SGSM1: variants seen among roughly 807,000 people sequenced by gnomAD.
SGSM1 encodes small G protein signaling modulator 1.
In SGSM1, 73 loss-of-function variants were observed where a neutral mutation model predicts 133.8. That is an observed-to-expected ratio of 0.55 (90% CI 0.45 to 0.66). The LOEUF (loss-of-function observed/expected upper bound fraction) is 0.66, where lower values mean the gene tolerates loss of function less well. Among genes scored for constraint, SGSM1 ranks in the 30% least tolerant of loss-of-function variants. The pLI, the probability that SGSM1 is intolerant of heterozygous loss-of-function variation, is 0.00. For missense variants in SGSM1, 1,213 were observed against 1,448.1 expected, an observed-to-expected ratio of 0.84 and a Z score of 2.64; for synonymous variants, 563 against 573.0, an observed-to-expected ratio of 0.98 and a Z score of 0.25.
At chr22:24,812,527 C>G (rs1294246428) in intron 2 of SGSM1, among the ~76,000 whole-genome samples, 1 of 152,128 alleles carries the variant, frequency 6.6e-6, no homozygotes, top group Non-Finnish European at 1.5e-5. Context: ...GGAAACACAG[C>G]TTGGCTTCAG....
intron 21 of SGSM1, among the ~76,000 whole-genome samples, chr22:24,907,555 T>A (rs1305637571): frequency 6.6e-6 from 1 of 151,916 alleles, no homozygotes; most frequent in African/African-American, 2.4e-5. Flanking sequence ...TTTTGGTTTT[T>A]TTGCAAAAAT....
Position 24,917,752 on chromosome 22 carries a change from G to A in SGSM1, c.3023G>A (p.Arg1008Gln). The A allele has an allele frequency of 1.2e-6, 2 of 1,613,168 alleles. No homozygotes were observed. The highest frequency in any genetic ancestry group is 1.7e-6 in the Non-Finnish European group (2 of 1,179,374). ...CYRWFLLDFK[R>Q]ELVYDDVFLV... ...CGCTGGTTCCTGCTGGATTTCAAGCGAGGTACAGACTTTAAATTGGGGACC... is the reference window on the plus strand; with the variant it reads ...CGCTGGTTCCTGCTGGATTTCAAGCAAGGTACAGACTTTAAATTGGGGACC... The change falls in exon 23 of 25, where the codon CGA (arginine) becomes CAA (glutamine). Residue 1008 changes from arginine (R) to glutamine (Q), a missense_variant and splice_region_variant. Physicochemically the swap from Arg to Gln is conservative, Grantham distance 43 (BLOSUM62 1). Coordinates refer to ENST00000400358, the MANE Select transcript of SGSM1 (RefSeq NM_001098497.3).
At chr22:24,901,806 C>T in intron 19 of SGSM1, 27 bp from the exon 20 acceptor site, 4 of 1,608,980 alleles carry the variant, frequency 2.5e-6, no homozygotes, top group Non-Finnish European at 3.4e-6. Flanking sequence ...ATTTCTTCCC[C>T]CTACCCCCTG....
At chr22:24,817,756 G>A (rs575959312) in intron 2 of SGSM1, among the ~76,000 whole-genome samples, 25 of 152,322 alleles carry the variant, frequency 1.6e-4, no homozygotes, top group African/African-American at 2.9e-4. Flanking sequence ...GTGTAACAAA[G>A]TACCGTGACT....
At position 24,917,675 on chromosome 22, in the gene SGSM1, G is replaced by A; in HGVS notation, c.2946G>A (p.Leu982=). The A allele has an allele frequency of 6.2e-7, 1 of 1,613,862 alleles. No homozygotes were observed. Among genetic ancestry groups the A allele is most frequent in the Admixed American group, 1.7e-5 (1 of 59,970 alleles). ...CTTGACAGATCCTGGACTCAGAGCTGTTTGAGCTGATGCATCAGAACGGGG... is the reference window on the plus strand; with the variant it reads ...CTTGACAGATCCTGGACTCAGAGCTATTTGAGCTGATGCATCAGAACGGGG... ...RSLIQILDSE[L]FELMHQNGDY... Residue 982 remains leucine, a synonymous_variant, in exon 23 of 25, where the codon CTG becomes CTA. Transcript: ENST00000400358.
intron 13 of SGSM1, among the ~76,000 whole-genome samples, chr22:24,877,040 C>T (rs1932060671): frequency 6.6e-6 from 1 of 152,126 alleles, no homozygotes; most frequent in Non-Finnish European, 1.5e-5. Flanking sequence ...GGTGATGGAG[C>T]AGCTACCATC....
chr22:24,894,141 C>T (rs1364253543), intron 17 of SGSM1, among the ~76,000 whole-genome samples: 9 of 152,208 alleles, frequency 5.9e-5, no homozygotes, highest in African/African-American at 2.2e-4. Flanking sequence ...TGGTGGCTCA[C>T]GCCTGTAATC....
chr22:24,912,702 C>T lies in SGSM1; in HGVS notation c.2878C>T (p.His960Tyr). ...GAAGAGGATGAACCAGAACTTCCCC[C>T]ACGGAGGCGCCATGGACACGCACTT... ...LMKRMNQNFPHGGAMDTHFAN... is the reference protein window; with the variant it reads ...LMKRMNQNFPYGGAMDTHFAN... The change falls in exon 22 of 25, where the codon CAC becomes TAC. Residue 960 changes from histidine (H) to tyrosine (Y), a missense_variant. Coordinates refer to ENST00000400358, the MANE Select transcript of SGSM1 (RefSeq NM_001098497.3). 3.7e-6 allele frequency: 6 copies of T among 1,613,762 alleles called. No individual in the cohort carries two copies. The highest frequency in any genetic ancestry group is 5.1e-6 in the Non-Finnish European group (6 of 1,179,896).
chr22:24,912,997 T>A (rs768446947), intron 22 of SGSM1, among the ~76,000 whole-genome samples: 5 of 152,160 alleles, frequency 3.3e-5, no homozygotes, highest in Non-Finnish European at 5.9e-5. Flanking sequence ...AGTAAACTAA[T>A]GATTTTATAG....
chr22:24,854,892 C>T (rs1160843365), intron 5 of SGSM1, 104 bp from the exon 6 acceptor site: 2 of 815,990 alleles, frequency 2.5e-6, no homozygotes, highest in Non-Finnish European at 4.1e-6. Context: ...GCAGCTGAGG[C>T]TCTGGGTGGT....
In SGSM1 at chr22:24,861,823, T is replaced by A. The variant is rs568442411; in HGVS notation, c.926+1983T>A. Among the ~76,000 whole-genome samples, 473 of 151,134 alleles carry A rather than the reference T, an allele frequency of 3.1e-3. 4 individuals are homozygous for A. Among genetic ancestry groups the A allele is most frequent in the African/African-American group, 0.011 (461 of 41,266 alleles). The stretch of plus-strand genomic sequence containing the variant: ...CGGCCGCCTCTCAAGGTTATTTTTA[T>A]TTTTTTTTAATTTCTATTTTATTTT... On this transcript the variant is annotated intron_variant, in intron 9 of 24. Transcript: ENST00000400358.
intron 3 of SGSM1, among the ~76,000 whole-genome samples, chr22:24,847,292 G>A (rs1052142868): frequency 2.6e-5 from 4 of 152,122 alleles, no homozygotes; most frequent in Non-Finnish European, 4.4e-5. Context: ...CTCCTTGCAC[G>A]TAGCATAACC....
rs183590445 is a variant in SGSM1 at position 24,898,169 on chromosome 22, C to T, written c.2220C>T (p.Asp740=). The change falls in exon 19 of 25, where the codon GAC becomes GAT. Residue 740 remains aspartate (D), a synonymous_variant. Coordinates refer to ENST00000400358, the MANE Select transcript of SGSM1 (RefSeq NM_001098497.3). The stretch of plus-strand genomic sequence containing the variant: ...TGAGCACAGAAGACAGTGTCTTGGA[C>T]GCCCAGCGGAACACCCCCACGGTGC... ...PSLSTEDSVL[D]AQRNTPTVLR... 575 of 1,613,996 alleles carry T rather than the reference C, an allele frequency of 3.6e-4. No homozygotes were observed. The highest frequency in any genetic ancestry group is 3.5e-3 in the African/African-American group (259 of 75,040).
At chr22:24,845,947 TTCTTTCTTTCTTTCTTTCTTTCTTTC>T (rs898688367) in intron 3 of SGSM1, among the ~76,000 whole-genome samples, 1 of 56,522 alleles carries the variant, frequency 1.8e-5, no homozygotes, top group African/African-American at 5.9e-5. Flanking sequence ...TTTCTTTTCT[TTCTTTCTTTCTTTCTTTCTTTCTTTC>T]TTTCTTTCTT....
intron 2 of SGSM1, among the ~76,000 whole-genome samples, chr22:24,810,139 G>A (rs1194331643): frequency 6.6e-6 from 1 of 152,140 alleles, no homozygotes; most frequent in Non-Finnish European, 1.5e-5. Flanking sequence ...GAATGGGGAG[G>A]ACATCGAGAA....
intron 13 of SGSM1, among the ~76,000 whole-genome samples, chr22:24,878,093 G>T (rs1408001791): frequency 6.6e-6 from 1 of 152,108 alleles, no homozygotes; most frequent in Non-Finnish European, 1.5e-5. Context: ...TTACAGGCAT[G>T]AGCCACCGCG....
intron 22 of SGSM1, among the ~76,000 whole-genome samples, chr22:24,914,292 CAAA>C (rs144720210): frequency 3.1e-5 from 3 of 95,286 alleles, no homozygotes; most frequent in African/African-American, 4.2e-5. Context: ...GACTCCATCT[CAAA>C]AAAAAAAAAA....
intron 18 of SGSM1, among the ~76,000 whole-genome samples, chr22:24,897,594 A>G (rs1932950905): frequency 6.6e-6 from 1 of 152,122 alleles, no homozygotes; most frequent in Non-Finnish European, 1.5e-5. Flanking sequence ...CAGCCCCTCA[A>G]GTAGCTGAGA....
At chr22:24,888,467 ACTGT>A (rs1228733176) in intron 16 of SGSM1, among the ~76,000 whole-genome samples, 2 of 152,026 alleles carry the variant, frequency 1.3e-5, no homozygotes, top group Non-Finnish European at 2.9e-5. Context: ...TTGCTCTTGC[ACTGT>A]TAAAAAACAG....
Sources: gnomAD v4.1 joint callset for allele counts (sites outside exome capture counted in the v4.1 genomes callset) on GRCh38, gnomAD v4.1.1 for gene constraint, MANE v1.5 for transcripts, NCBI Gene and HGNC (gene_info 2026-07-23, HGNC 2026-07-21) for gene names.